Variants in BLTP1 observed in about 807,000 individuals in gnomAD.
The protein encoded by BLTP1 is fragile site-associated protein.
the BLTP1 span, chr4:122,193,807 T>C: frequency 4.5e-6 from 1 of 223,518 alleles, no homozygotes; most frequent in Non-Finnish European, 7.5e-6. Flanking sequence ...TTTTAAATGC[T>C]TTTTTAAAAA....
At chr4:122,276,971 C>T in the BLTP1 span, 2 of 982,110 alleles carry the variant, frequency 2.0e-6, no homozygotes, top group Admixed American at 1.2e-4. Context: ...TTCTGCAGCC[C>T]AGCAGAGATT....
the BLTP1 span, chr4:122,272,502 G>T: frequency 3.6e-6 from 4 of 1,120,936 alleles, no homozygotes; most frequent in South Asian, 1.8e-5. Flanking sequence ...ATTCCTAATT[G>T]GCAAATTTTT....
At chr4:122,343,517 A>G in the BLTP1 span, 2 of 1,614,092 alleles carry the variant, frequency 1.2e-6, no homozygotes, top group Non-Finnish European at 1.7e-6. Flanking sequence ...CACTGCATGC[A>G]TGTCTGACTT....
At chr4:122,290,839 A>ACC in the BLTP1 span, 2 of 147,856 alleles carry the variant, frequency 1.4e-5, no homozygotes, top group African/African-American at 2.5e-5. Context: ...ACACACACAC[A>ACC]CACACACACA....
At chr4:122,250,502 G>A in the BLTP1 span, 16 of 1,613,594 alleles carry the variant, frequency 9.9e-6, no homozygotes, top group Non-Finnish European at 1.4e-5. Flanking sequence ...TGATGTCTCT[G>A]ATGATAATCT....
the BLTP1 span, chr4:122,325,581 T>G: frequency 8.7e-7 from 1 of 1,153,456 alleles, no homozygotes; most frequent in Non-Finnish European, 1.1e-6. Context: ...GTAGAAAGGT[T>G]TTTGTTGAAT....
chr4:122,299,746 A>G, the BLTP1 span: 1 of 954,000 alleles, frequency 1.0e-6, no homozygotes, highest in Non-Finnish European at 1.2e-6. Flanking sequence ...ACACACATAC[A>G]TATATGTATG....
chr4:122,221,785 T>C, the BLTP1 span: 3 of 984,096 alleles, frequency 3.0e-6, no homozygotes, highest in African/African-American at 5.2e-5. Context: ...TTTTTCAGTC[T>C]ATTAAGGAAA....
the BLTP1 span, chr4:122,209,152 T>G: frequency 6.3e-7 from 1 of 1,597,854 alleles, no homozygotes; most frequent in African/African-American, 1.4e-5. Context: ...TTATAATTAT[T>G]TTTTAGGGAG....
At chr4:122,224,171 A>C in the BLTP1 span, 2 of 824,434 alleles carry the variant, frequency 2.4e-6, no homozygotes, top group Non-Finnish European at 2.9e-6. Flanking sequence ...CTTACAAAAG[A>C]CTGGTCTCTT....
chr4:122,348,771 TCTA>T, the BLTP1 span: 2 of 1,223,168 alleles, frequency 1.6e-6, no homozygotes, highest in South Asian at 1.5e-5. Flanking sequence ...TAACTTTTCT[TCTA>T]CTGTAGTAAA....
At chr4:122,216,299 G>T in the BLTP1 span, among the ~76,000 whole-genome samples, 1 of 152,140 alleles carries the variant, frequency 6.6e-6, no homozygotes, top group East Asian at 1.9e-4. Context: ...TAGTGGAATT[G>T]CTGGATCAAA....
the BLTP1 span, chr4:122,249,678 A>G: frequency 6.2e-7 from 1 of 1,613,412 alleles, no homozygotes; most frequent in Non-Finnish European, 8.5e-7. Context: ...ATTTAACCAT[A>G]AAAGGCAAGC....
At chr4:122,220,531 A>G in the BLTP1 span, 1 of 1,382,074 alleles carries the variant, frequency 7.2e-7, no homozygotes. Context: ...TTATTGGGTT[A>G]AAACAATGTA....
chr4:122,185,843 A>G, the BLTP1 span: 2 of 191,984 alleles, frequency 1.0e-5, no homozygotes, highest in Non-Finnish European at 1.9e-5. Context: ...CTAAATTAAA[A>G]TATAACAGAA....
the BLTP1 span, among the ~76,000 whole-genome samples, chr4:122,343,042 G>T: frequency 6.6e-6 from 1 of 152,100 alleles, no homozygotes. Flanking sequence ...ATATGATATG[G>T]ATTTTTTTAC....
At chr4:122,220,625 A>C in the BLTP1 span, among the ~76,000 whole-genome samples, 3 of 152,282 alleles carry the variant, frequency 2.0e-5, no homozygotes, top group South Asian at 6.2e-4. Context: ...ATGTATGTTT[A>C]TGTGTATGAG....
chr4:122,273,254 C>T, the BLTP1 span: 1 of 969,350 alleles, frequency 1.0e-6, no homozygotes, highest in Non-Finnish European at 1.2e-6. Flanking sequence ...TTGTTATATA[C>T]CCTTCTTTAC....
chr4:122,338,338 TTGTA>T, the BLTP1 span, among the ~76,000 whole-genome samples: 1 of 151,934 alleles, frequency 6.6e-6, no homozygotes, highest in East Asian at 1.9e-4. Flanking sequence ...CGAGGCGTGA[TTGTA>T]TGTATCTGTG....
Sources: allele counts gnomAD v4.1 joint callset (sites outside exome capture counted in the v4.1 genomes callset), GRCh38; gene constraint gnomAD v4.1.1; transcripts MANE v1.5; gene names NCBI Gene and HGNC (gene_info 2026-07-23, HGNC 2026-07-21).